Variants in MYOM2 observed in about 807,000 individuals in gnomAD.
MYOM2 encodes the protein myomesin 2.
A neutral mutation model predicts 187.6 loss-of-function variants in MYOM2; 254 were observed. The observed-to-expected ratio is 1.35, with a 90% CI of 1.22 to 1.50. The LOEUF is 1.50. MYOM2 is among the 40% of genes most tolerant of loss of function. The probability of loss-of-function intolerance (pLI) is 0.00; values close to 1 mark genes in which losing one functional copy is unlikely to be tolerated. For missense variants in MYOM2, 2,796 were observed against 1,924.0 expected (o/e 1.45, Z -8.48); for synonymous variants, 981 against 753.8 (o/e 1.30, Z -4.94).
intron 33 of MYOM2, 76 bp downstream of exon 33, chr8:2,140,962 A>G (rs1798254606): frequency 1.4e-6 from 2 of 1,442,524 alleles, no homozygotes; most frequent in Admixed American, 2.1e-5. Context: ...AGGGAATACA[A>G]TATGAATACA....
At chr8:2,055,497 G>A (rs114661897) in intron 3 of MYOM2, among the ~76,000 whole-genome samples, 427 of 152,326 alleles carry the variant, frequency 2.8e-3, no homozygotes, top group African/African-American at 9.8e-3. Flanking sequence ...TGTAGGGAAA[G>A]GCTGTGTGTG....
intron 32 of MYOM2, among the ~76,000 whole-genome samples, chr8:2,138,461 G>C (rs1245106351): frequency 6.6e-6 from 1 of 152,218 alleles, no homozygotes; most frequent in Non-Finnish European, 1.5e-5. Context: ...GATTCCTGAA[G>C]GATTGCCTGG....
In MYOM2 at chr8:2,136,336, C is replaced by T. The variant is rs116751541; in HGVS notation, c.3801-4387C>T. On this transcript the variant is annotated intron_variant, in intron 32 of 36. Coordinates refer to ENST00000262113, the MANE Select transcript of MYOM2 (RefSeq NM_003970.4). ...GTTTACCCTGATCCCAGGGTGGCAG[C>T]GGAGGCCGCAGCTGTGACGGAGGTG... is the stretch of plus-strand genomic sequence containing the variant. Among the ~76,000 whole-genome samples the T allele has an allele frequency of 4.1e-3, 620 of 149,942 alleles. 4 individuals carry two copies. The highest frequency in any genetic ancestry group is 0.015 in the African/African-American group (604 of 39,828).
chr8:2,122,648 G>C (rs1289086923), intron 28 of MYOM2, among the ~76,000 whole-genome samples: 1 of 152,208 alleles, frequency 6.6e-6, no homozygotes, highest in Non-Finnish European at 1.5e-5. Context: ...TGCTGAATCA[G>C]AATTCTTCCT....
chr8:2,063,787 C>T lies in MYOM2; in HGVS notation c.653+4542C>T, dbSNP rs528405145. On this transcript the variant is annotated intron_variant, in intron 6 of 36. Coordinates refer to ENST00000262113, the MANE Select transcript of MYOM2 (RefSeq NM_003970.4). ...CTTTAAGACAGGACAGAACCAGCTT[C>T]TCCCAGGGGGTTGTTTTAGGGGCCT... 6.2e-4 allele frequency among the ~76,000 whole-genome samples: 95 copies of T among 152,332 alleles called. 1 individual carries two copies. The highest frequency in any genetic ancestry group is 2.9e-3 in the Admixed American group (45 of 15,302).
chr8:2,144,660 A>G lies in MYOM2; in HGVS notation c.4081-4A>G, dbSNP rs1368555869. The G allele has an allele frequency of 3.1e-6, 5 of 1,613,050 alleles. No homozygotes were observed. Among genetic ancestry groups the G allele is most frequent in the African/African-American group, 2.7e-5 (2 of 74,896 alleles). On this transcript the variant is annotated splice_polypyrimidine_tract_variant and splice_region_variant and intron_variant, in intron 36 of 36. Transcript: ENST00000262113. The stretch of plus-strand genomic sequence containing the variant: ...CCTTCTCCACCAACCTCTTCCGTCC[A>G]AAGACCTTGAATCTGACCTGCACGG...
In MYOM2 at chr8:2,129,141, C is replaced by T; in HGVS notation, c.3709C>T (p.Pro1237Ser). Residue 1237 changes from proline (P) to serine (S), a missense_variant, in exon 32 of 37, where the codon CCA (proline) becomes TCA (serine). Physicochemically the swap from Pro to Ser is moderately conservative, Grantham distance 74 (BLOSUM62 -1). Transcript: ENST00000262113. ...MSRVCGKSASPLKVLCTPEGI... is the reference protein window; with the variant it reads ...MSRVCGKSASSLKVLCTPEGI... The stretch of plus-strand genomic sequence containing the variant: ...ATTTTCTGCAGGGAAATCTGCTTCG[C>T]CACTGAAGGTACTCTGCACCCCAGA... 2 of 1,605,446 alleles carry T rather than the reference C, an allele frequency of 1.2e-6. No individual in the cohort carries two copies. The highest frequency in any genetic ancestry group is 1.7e-6 in the Non-Finnish European group (2 of 1,172,712).
chr8:2,070,154 G>C (rs912716971), intron 8 of MYOM2, among the ~76,000 whole-genome samples: 1 of 152,228 alleles, frequency 6.6e-6, no homozygotes, highest in Non-Finnish European at 1.5e-5. Flanking sequence ...TCTGGAGGAC[G>C]GGGACATGAT....
chr8:2,110,937 G>A (rs898880712), intron 25 of MYOM2, among the ~76,000 whole-genome samples: 3 of 152,144 alleles, frequency 2.0e-5, no homozygotes, highest in Non-Finnish European at 4.4e-5. Flanking sequence ...TGGGAGAGTC[G>A]GCTAGAAAGT....
chr8:2,126,359 C>G (rs1413534883), intron 31 of MYOM2, among the ~76,000 whole-genome samples: 2 of 128,448 alleles, frequency 1.6e-5, no homozygotes, highest in Admixed American at 8.1e-5. Context: ...TCAACACACT[C>G]ACACCCACAC....
rs755077719 is a variant in MYOM2 at position 2,090,207 on chromosome 8, GGGT to G, written c.1828+19_1828+21del. 6.5e-5 allele frequency: 105 copies of G among 1,606,952 alleles called. No individual in the cohort carries two copies. The highest frequency in any genetic ancestry group is 8.4e-5 in the Non-Finnish European group (99 of 1,174,672). ...GATGTGACCGGTGAGCTGTCACACT[GGGT>G]GGCCCCAAGTCAGGATGGACTAAGA... On this transcript the variant is annotated intron_variant, in intron 15 of 36. Coordinates refer to ENST00000262113, the MANE Select transcript of MYOM2 (RefSeq NM_003970.4).
chr8:2,137,760 C>T (rs76426648), intron 32 of MYOM2, among the ~76,000 whole-genome samples: 7,495 of 152,140 alleles, frequency 0.049, 563 homozygotes, highest in African/African-American at 0.15. Flanking sequence ...TACAGTGGGC[C>T]CAGTTCCCCA....
chr8:2,142,565 C>T lies in MYOM2; in HGVS notation c.4024+168C>T, dbSNP rs534273213. 4.6e-5 allele frequency among the ~76,000 whole-genome samples: 7 copies of T among 152,256 alleles called. No individual in the cohort carries two copies. In the South Asian group the frequency reaches 1.2e-3, roughly 27 times the overall value. On this transcript the variant is annotated intron_variant, in intron 35 of 36. Transcript: ENST00000262113. Reference sequence around the variant, plus strand: ...CCCTGTCCTGGAGCCCCATGTCCTGCACCACTGATCCTTGCACTGCTTTCG... The same window carrying T: ...CCCTGTCCTGGAGCCCCATGTCCTGTACCACTGATCCTTGCACTGCTTTCG...
intron 20 of MYOM2, 99 bp from the exon 21 acceptor site, chr8:2,102,568 C>A: frequency 3.1e-6 from 2 of 642,220 alleles, no homozygotes; most frequent in Non-Finnish European, 2.6e-6. Flanking sequence ...GAAAAATAAG[C>A]TATTTTTGAA....
intron 18 of MYOM2, among the ~76,000 whole-genome samples, chr8:2,097,505 T>A (rs1796535237): frequency 6.6e-6 from 1 of 152,182 alleles, no homozygotes; most frequent in East Asian, 1.9e-4. Flanking sequence ...ATTTAAAATC[T>A]ATTTATTTAT....
chr8:2,143,694 G>C (rs1414978610), intron 36 of MYOM2, among the ~76,000 whole-genome samples: 1 of 152,152 alleles, frequency 6.6e-6, no homozygotes, highest in African/African-American at 2.4e-5. Flanking sequence ...GTGTTCAGAG[G>C]AACACGTTGT....
intron 35 of MYOM2, 72 bp from the exon 36 acceptor site, chr8:2,143,329 T>G: frequency 6.4e-7 from 1 of 1,565,918 alleles, no homozygotes; most frequent in Non-Finnish European, 8.8e-7. Flanking sequence ...TACCCACTGC[T>G]GCTTACATGG....
In MYOM2 at chr8:2,093,679, C is replaced by G. The variant is rs114888852; in HGVS notation, c.2004-291C>G. Among the ~76,000 whole-genome samples, 1,450 of 152,184 alleles carry G rather than the reference C, an allele frequency of 9.5e-3. 29 individuals carry two copies. The highest frequency in any genetic ancestry group is 0.034 in the African/African-American group (1,397 of 41,484). Reference sequence around the variant, plus strand: ...GTTCTTTTAGATAAGAAATGGCATACTGTTGGATAATAGACCTCTGATCCA... The same window carrying G: ...GTTCTTTTAGATAAGAAATGGCATAGTGTTGGATAATAGACCTCTGATCCA... On this transcript the variant is annotated intron_variant, in intron 16 of 36. Coordinates refer to ENST00000262113, the MANE Select transcript of MYOM2 (RefSeq NM_003970.4).
chr8:2,087,778 C>A (rs7007615), intron 14 of MYOM2, among the ~76,000 whole-genome samples: 17,037 of 152,072 alleles, frequency 0.11, 1,559 homozygotes, highest in African/African-American at 0.26. Flanking sequence ...GCCACCACGC[C>A]CAGCTGATTT....
Sources: allele counts gnomAD v4.1 joint callset (sites outside exome capture counted in the v4.1 genomes callset), GRCh38; gene constraint gnomAD v4.1.1; transcripts MANE v1.5; gene names NCBI Gene and HGNC (gene_info 2026-07-23, HGNC 2026-07-21).